The following XIRP2 variants were observed in gnomAD, a reference collection of about 807,000 sequenced individuals.
XIRP2 encodes xin actin binding repeat containing 2.
In XIRP2, 236 loss-of-function variants were observed where a neutral mutation model predicts 277.0. The observed-to-expected ratio is 0.85, with a 90% CI of 0.77 to 0.95. XIRP2 has a LOEUF of 0.95. XIRP2 is among the 40% of genes least tolerant of loss of function. The pLI, the probability that XIRP2 is intolerant of heterozygous loss-of-function variation, is 0.00. For synonymous variants in XIRP2, 1,490 were observed against 1,416.5 expected, an observed-to-expected ratio of 1.05 and a Z score of -1.17; for missense variants, 4,640 against 4,157.5, an observed-to-expected ratio of 1.12 and a Z score of -3.19.
rs59857626 is a variant in XIRP2 at position 167,037,518 on chromosome 2, G to GGTGTGTGTGT, written c.409-98360_409-98351dup. Among the ~76,000 whole-genome samples the GGTGTGTGTGT allele has an allele frequency of 6.3e-5, 8 of 126,460 alleles. No homozygotes were observed. In the South Asian group the frequency reaches 9.4e-4, roughly 15 times the overall value. The allele number at this position is 126,460 out of a possible 152,430, so 83.0% of individuals were successfully genotyped here. ...TGGCTTGAGGTTTTTTCATGTGGGG[G>GGTGTGTGTGT]GTGTGTGTGTGTGTGTGTGTGTGTG... On this transcript the variant is annotated intron_variant, in intron 2 of 10. Transcript: ENST00000409195.
chr2:167,176,489 A>C (rs189473552), intron 3 of XIRP2, among the ~76,000 whole-genome samples: 91 of 152,318 alleles, frequency 6.0e-4, no homozygotes, highest in African/African-American at 2.2e-3. Flanking sequence ...TTTCTATTGA[A>C]TAATTTTAAC....
At chr2:166,913,312 C>CG (rs949978898) in intron 2 of XIRP2, among the ~76,000 whole-genome samples, 1 of 91,026 alleles carries the variant, frequency 1.1e-5, no homozygotes, top group African/African-American at 4.4e-5. Flanking sequence ...TGGTGGGCAC[C>CG]CCCCCCCCCC....
chr2:167,246,189 A>C lies in XIRP2; in HGVS notation c.4797A>C (p.Glu1599Asp). 1 of 1,612,240 alleles carries C rather than the reference A, an allele frequency of 6.2e-7. No individual in the cohort carries two copies. ...CATCTCCTGAGATACAGAAAGAAGAAATTATCAGGGCTGATCTCAGAAATA... is the reference window on the plus strand; with the variant it reads ...CATCTCCTGAGATACAGAAAGAAGACATTATCAGGGCTGATCTCAGAAATA... ...NQASPEIQKE[E>D]IIRADLRNIM... The change falls in exon 9 of 11, where the codon GAA (glutamate) becomes GAC (aspartate). Residue 1599 changes from glutamate (E) to aspartate (D), a missense_variant. Transcript: ENST00000409195.
Position 167,242,875 on chromosome 2 carries a change from T to G in XIRP2, c.1483T>G (p.Leu495Val), listed in dbSNP as rs768621949. ...PKDVYSKQRN[L>V]YELNRLYKHI... Reference sequence around the variant, plus strand: ...AGATGTATATTCCAAGCAAAGAAATTTGTATGAATTAAACCGTTTATATAA... The same window carrying G: ...AGATGTATATTCCAAGCAAAGAAATGTGTATGAATTAAACCGTTTATATAA... The change falls in exon 9 of 11, where the codon TTG becomes GTG. Residue 495 changes from leucine (L) to valine (V), a missense_variant. By Grantham distance (32) the Leu-to-Val change is conservative. Transcript: ENST00000409195. The G allele has an allele frequency of 5.6e-6, 9 of 1,614,080 alleles. No individual in the cohort carries two copies. In the Middle Eastern group the frequency reaches 1.3e-3, roughly 237 times the overall value.
intron 1 of XIRP2, among the ~76,000 whole-genome samples, chr2:166,895,245 A>G (rs1684212888): frequency 6.6e-6 from 1 of 152,104 alleles, no homozygotes; most frequent in African/African-American, 2.4e-5. Context: ...AAATGTCCAC[A>G]TTGGTTGTAT....
chr2:166,912,702 A>C (rs988937600), intron 2 of XIRP2, among the ~76,000 whole-genome samples: 2 of 152,144 alleles, frequency 1.3e-5, no homozygotes, highest in Admixed American at 6.5e-5. Context: ...TAGAATTTTC[A>C]GCTTTTCTGC....
At chr2:167,146,512 A>AG (rs1429986747) in intron 3 of XIRP2, among the ~76,000 whole-genome samples, 1 of 151,664 alleles carries the variant, frequency 6.6e-6, no homozygotes, top group African/African-American at 2.4e-5. Context: ...AAAAAAAAAG[A>AG]AAGAAAGAAA....
At chr2:167,224,550 A>G (rs1023108853) in intron 5 of XIRP2, among the ~76,000 whole-genome samples, 4 of 152,038 alleles carry the variant, frequency 2.6e-5, no homozygotes, top group Non-Finnish European at 5.9e-5. Context: ...CCAGGCTGGC[A>G]ATTGCATTTC....
At chr2:167,153,526 T>C (rs1029212717) in intron 3 of XIRP2, among the ~76,000 whole-genome samples, 1 of 152,064 alleles carries the variant, frequency 6.6e-6, no homozygotes. Context: ...TCATTTAGCA[T>C]TAGGTATATC....
At chr2:166,892,342 G>C (rs756974960) in intron 1 of XIRP2, among the ~76,000 whole-genome samples, 1 of 152,120 alleles carries the variant, frequency 6.6e-6, no homozygotes, top group Non-Finnish European at 1.5e-5. Flanking sequence ...ACACTGGGCC[G>C]GAGTATGGTG....
chr2:166,897,531 G>A (rs1684274517), intron 1 of XIRP2, among the ~76,000 whole-genome samples: 1 of 152,076 alleles, frequency 6.6e-6, no homozygotes, highest in Non-Finnish European at 1.5e-5. Flanking sequence ...GGAAAAAGAA[G>A]CCACACGTAA....
intron 2 of XIRP2, among the ~76,000 whole-genome samples, chr2:167,113,457 G>A (rs985357974): frequency 3.3e-5 from 5 of 152,026 alleles, no homozygotes; most frequent in Admixed American, 6.6e-5. Flanking sequence ...TCTGAAATTA[G>A]GATTGTAACC....
chr2:167,201,384 G>A (rs890697262), intron 3 of XIRP2, among the ~76,000 whole-genome samples: 5 of 116,510 alleles, frequency 4.3e-5, no homozygotes, highest in African/African-American at 1.5e-4. Flanking sequence ...GGGCAGGAAC[G>A]GTACCATATA....
chr2:167,083,852 T>C (rs9752459), intron 2 of XIRP2, among the ~76,000 whole-genome samples: 105,280 of 151,594 alleles, frequency 0.69, 39,288 homozygotes, highest in Non-Finnish European at 0.83. Context: ...TGAGACAATG[T>C]GGTTTTCTAG....
At chr2:166,935,173 T>C (rs1685458706) in intron 2 of XIRP2, among the ~76,000 whole-genome samples, 1 of 152,228 alleles carries the variant, frequency 6.6e-6, no homozygotes, top group South Asian at 2.1e-4. Flanking sequence ...AAATTTATTA[T>C]GGTATGTTAA....
chr2:167,017,522 A>G (rs147183189), intron 2 of XIRP2, among the ~76,000 whole-genome samples: 2 of 152,010 alleles, frequency 1.3e-5, no homozygotes, highest in Non-Finnish European at 2.9e-5. Context: ...CTTTTGTAGC[A>G]TCCATATTTT....
At chr2:166,891,274 C>T (rs1335951225) in intron 1 of XIRP2, among the ~76,000 whole-genome samples, 2 of 152,112 alleles carry the variant, frequency 1.3e-5, no homozygotes, top group African/African-American at 4.8e-5. Flanking sequence ...TTAGCTGGTT[C>T]ACTTAATAAA....
Position 167,248,409 on chromosome 2 carries a change from A to G in XIRP2, c.7017A>G (p.Glu2339=), listed in dbSNP as rs780541313. ...CAGAGAAGATAAAGGCTGAATTTGAAAGTTTTCCAGGCCTCCCTCTTCCTC... is the reference window on the plus strand; with the variant it reads ...CAGAGAAGATAAAGGCTGAATTTGAGAGTTTTCCAGGCCTCCCTCTTCCTC... ...LSTEKIKAEF[E]SFPGLPLPPP... is the part of the protein sequence containing the mutation. Residue 2339 remains glutamate, a synonymous_variant, in exon 9 of 11, where the codon GAA becomes GAG. Coordinates refer to ENST00000409195, the MANE Select transcript of XIRP2 (RefSeq NM_152381.6). 20 of 1,613,690 alleles carry G rather than the reference A, an allele frequency of 1.2e-5. No homozygotes were observed. The highest frequency in any genetic ancestry group is 1.7e-5 in the Non-Finnish European group (20 of 1,179,824).
chr2:167,204,136 TG>T (rs1693794474), intron 3 of XIRP2, among the ~76,000 whole-genome samples: 7 of 152,200 alleles, frequency 4.6e-5, no homozygotes, highest in Admixed American at 4.6e-4. Context: ...GGTTCTTAGG[TG>T]GCATTAAATG....
Sources: gnomAD v4.1 joint callset for allele counts (sites outside exome capture counted in the v4.1 genomes callset) on GRCh38, gnomAD v4.1.1 for gene constraint, MANE v1.5 for transcripts, NCBI Gene and HGNC (gene_info 2026-07-23, HGNC 2026-07-21) for gene names.